Variants in IRF1 observed in about 807,000 individuals in gnomAD.
IRF1 encodes interferon regulatory factor-1.
In IRF1, 13 loss-of-function variants were observed where a neutral mutation model predicts 43.7. That is an observed-to-expected ratio of 0.30 (90% confidence interval 0.19 to 0.47). IRF1 has a LOEUF of 0.47. Among genes scored for constraint, IRF1 ranks in the 20% least tolerant of loss-of-function variants. IRF1 has a pLI of 0.99. For synonymous variants in IRF1, 138 were observed against 146.8 expected (o/e 0.94, Z 0.43); for missense variants, 236 against 408.9 (o/e 0.58, Z 3.65).
At position 132,490,328 on chromosome 5, in the gene IRF1, TCGTCCGGGTGGGCGGTCCACGCCG is replaced by T. The variant is rs1294376614; in HGVS notation, c.-6+193_-6+216del. ...CGAAAGCTGCCGGGCGCCGGCAGCC[TCGTCCGGGTGGGCGGTCCACGCCG>T]CGTCCCGCCCTCCCCGCGCCGCGGC... is the stretch of plus-strand genomic sequence containing the variant. On this transcript the variant is annotated intron_variant, in intron 1 of 9. Transcript: ENST00000245414. This position sits in a 1 kb window ranked among gnomAD's most constrained non-coding sequence, Gnocchi z 5.8. 1.3e-5 allele frequency: 2 copies of T among 150,322 alleles called. No homozygotes were observed. The highest frequency in any genetic ancestry group is 4.9e-5 in the African/African-American group (2 of 41,010). 9.3% of individuals were successfully genotyped at this position (150,322 alleles called of 1,614,324 possible).
chr5:132,485,706 A>G lies in IRF1; in HGVS notation c.678T>C (p.Asp226=). The G allele has an allele frequency of 6.2e-7, 1 of 1,612,864 alleles. No individual in the cohort carries two copies. The highest frequency in any genetic ancestry group is 8.5e-7 in the Non-Finnish European group (1 of 1,179,592). Residue 226 remains aspartate (D), a synonymous_variant, in exon 8 of 10, where the codon GAT becomes GAC. Coordinates refer to ENST00000245414, the MANE Select transcript of IRF1 (RefSeq NM_002198.3). ...CAGGTAATTTCCCTTCCTCATCCTC[A>G]TCTGTTGTAGCTGTGGATGGGGAAA... ...PMPSTSEATT[D]EDEEGKLPED...
In IRF1 at chr5:132,490,675, GC is replaced by G. The variant is rs1163533150; in HGVS notation, c.-137del. On this transcript the variant is annotated 5_prime_UTR_variant, in exon 1 of 10. Coordinates refer to ENST00000245414, the MANE Select transcript of IRF1 (RefSeq NM_002198.3). The surrounding 1 kb of genome is among the most constrained non-coding windows in gnomAD (Gnocchi z 5.8). The stretch of plus-strand genomic sequence containing the variant: ...CAGAGGTTGCCGGGTTCTTAAGGCC[GC>G]CGGGCACGGCCGGCGTGGACTGGGC... 2.6e-5 allele frequency: 4 copies of G among 152,220 alleles called. No homozygotes were observed. The highest frequency in any genetic ancestry group is 5.9e-5 in the Non-Finnish European group (4 of 68,046). 9.4% of individuals were successfully genotyped at this position (152,220 alleles called of 1,614,324 possible).
At chr5:132,484,754 C>T (rs1053568326) in intron 8 of IRF1, 7 of 483,738 alleles carry the variant, frequency 1.4e-5, no homozygotes, top group African/African-American at 1.3e-4. Context: ...ATCTCCACGA[C>T]TTCCCTCTCA....
At chr5:132,485,369 T>C in intron 8 of IRF1, 1 of 387,952 alleles carries the variant, frequency 2.6e-6, no homozygotes. Context: ...CTGGGGCATG[T>C]TGGGGCAGAG....
At position 132,484,472 on chromosome 5, in the gene IRF1, G is replaced by A. The variant is rs1354120425; in HGVS notation, c.743C>T (p.Pro248Leu). The change falls in exon 9 of 10, where the codon CCA becomes CTA. Residue 248 changes from proline to leucine, a missense_variant. Physicochemically the swap from Pro to Leu is moderately conservative, Grantham distance 98 (BLOSUM62 -3). Transcript: ENST00000245414. ...GTACCCCTTCCCATCCACGTTTGTT[G>A]GCTGCCACTCCGACTGCTCCAAGAG... ...MKLLEQSEWQ[P>L]TNVDGKGYLL... 1 of 1,614,186 alleles carries A rather than the reference G, an allele frequency of 6.2e-7. No homozygotes were observed. The highest frequency in any genetic ancestry group is 1.7e-5 in the Admixed American group (1 of 60,028).
chr5:132,485,848 C>CACACACACACACA, intron 7 of IRF1, 132 bp from the exon 8 acceptor site: 1 of 645,470 alleles, frequency 1.5e-6, no homozygotes. Context: ...CACACACACA[C>CACACACACACACA]ACCCTCCCGG....
At position 132,486,940 on chromosome 5, in the gene IRF1, G is replaced by A. The variant is rs372956050; in HGVS notation, c.364+14C>T. 24 of 1,613,970 alleles carry A rather than the reference G, an allele frequency of 1.5e-5. 1 individual carries two copies. Among genetic ancestry groups the A allele is most frequent in the Non-Finnish European group, 1.9e-5 (22 of 1,179,972 alleles). ...TCCCTGAGGGCTTCCCAAGGACCCA[G>A]AGTCCTTGGATACCTTTTCTCTGGT... is the stretch of plus-strand genomic sequence containing the variant. On this transcript the variant is annotated intron_variant, in intron 4 of 9. Transcript: ENST00000245414.
rs906182325 is a variant in IRF1 at position 132,482,578 on chromosome 5, T to G, written c.*1373A>C. 1 of 150,470 alleles carries G rather than the reference T, an allele frequency of 6.6e-6. No homozygotes were observed. Among genetic ancestry groups the G allele is most frequent in the African/African-American group, 2.5e-5 (1 of 40,750 alleles). 9.3% of individuals were successfully genotyped at this position (150,470 alleles called of 1,614,324 possible). A position where few individuals can be genotyped will look rare whatever the true frequency, so the allele number is the denominator to read the frequency against. On this transcript the variant is annotated 3_prime_UTR_variant, in exon 10 of 10. Coordinates refer to ENST00000245414, the MANE Select transcript of IRF1 (RefSeq NM_002198.3). Reference sequence around the variant, plus strand: ...CATGTTGGCCAGGCTGGTCTCAAACTCCTGACCTCAGGTGATCTGCCCACC... The same window carrying G: ...CATGTTGGCCAGGCTGGTCTCAAACGCCTGACCTCAGGTGATCTGCCCACC...
At chr5:132,484,136 C>A in intron 9 of IRF1, 61 bp from the exon 10 acceptor site, 1 of 1,594,744 alleles carries the variant, frequency 6.3e-7, no homozygotes, top group South Asian at 1.1e-5. Context: ...TGTGCTTCCC[C>A]CTACCCCTGA....
rs1201471995 is a variant in IRF1 at position 132,483,010 on chromosome 5, T to G, written c.*941A>C. 6.6e-6 allele frequency: 1 copy of G among 152,334 alleles called. No individual in the cohort carries two copies. Among genetic ancestry groups the G allele is most frequent in the Middle Eastern group, 3.2e-3 (1 of 316 alleles). The allele number at this position is 152,334 out of a possible 1,614,324, so 9.4% of individuals were successfully genotyped here. A position where few individuals can be genotyped will look rare whatever the true frequency, so the allele number is the denominator to read the frequency against. ...TCAAGTTCAGGCGGGATGCCAATAA[T>G]AAGTCCATCAGTGTTTCCATAAAAA... is the stretch of plus-strand genomic sequence containing the variant. On this transcript the variant is annotated 3_prime_UTR_variant, in exon 10 of 10. Coordinates refer to ENST00000245414, the MANE Select transcript of IRF1 (RefSeq NM_002198.3).
chr5:132,487,669 C>T (rs1754571875), intron 3 of IRF1: 4 of 517,780 alleles, frequency 7.7e-6, no homozygotes, highest in Admixed American at 3.3e-5. Context: ...ATGCTTTTGC[C>T]AGGGAGAACT....
rs1754501861 is a variant in IRF1 at position 132,485,727 on chromosome 5, G to C, written c.668-11C>G. Reference sequence around the variant, plus strand: ...CCTCATCTGTTGTAGCTGTGGATGGGGAAAGCAGAGAGGTTGGCTGGCAGT... The same window carrying C: ...CCTCATCTGTTGTAGCTGTGGATGGCGAAAGCAGAGAGGTTGGCTGGCAGT... On this transcript the variant is annotated splice_polypyrimidine_tract_variant and intron_variant, in intron 7 of 9. Transcript: ENST00000245414. 1 of 1,609,376 alleles carries C rather than the reference G, an allele frequency of 6.2e-7. No homozygotes were observed. Among genetic ancestry groups the C allele is most frequent in the South Asian group, 1.1e-5 (1 of 90,964 alleles).
chr5:132,487,202 G>T, intron 3 of IRF1, 72 bp from the exon 4 acceptor site: 1 of 1,507,352 alleles, frequency 6.6e-7, no homozygotes. Flanking sequence ...TGGCCTGAAG[G>T]AGGAAGGCAA....
chr5:132,484,519 G>A, intron 8 of IRF1, 22 bp from the exon 9 acceptor site: 1 of 1,613,808 alleles, frequency 6.2e-7, no homozygotes, highest in Non-Finnish European at 8.5e-7. Flanking sequence ...AGAGCAAGAG[G>A]CTATCAACTC....
At chr5:132,488,314 C>T in intron 2 of IRF1, 1 of 321,684 alleles carries the variant, frequency 3.1e-6, no homozygotes, top group South Asian at 3.8e-5. Context: ...GGCACCCTCC[C>T]CCAAAGCCCT....
At position 132,483,455 on chromosome 5, in the gene IRF1, C is replaced by T. The variant is rs1433803456; in HGVS notation, c.*496G>A. The T allele has an allele frequency of 1.9e-5, 3 of 154,002 alleles. No homozygotes were observed. The highest frequency in any genetic ancestry group is 7.2e-5 in the African/African-American group (3 of 41,480). 9.5% of individuals were successfully genotyped at this position (154,002 alleles called of 1,614,324 possible). A position where few individuals can be genotyped will look rare whatever the true frequency, so the allele number is the denominator to read the frequency against. The stretch of plus-strand genomic sequence containing the variant: ...GCATCGCCCCGAAGGACCCCACTTT[C>T]CTTCACATTTCACTGGCTTTGGAAC... On this transcript the variant is annotated 3_prime_UTR_variant, in exon 10 of 10. Coordinates refer to ENST00000245414, the MANE Select transcript of IRF1 (RefSeq NM_002198.3).
chr5:132,485,851 C>CA, intron 7 of IRF1, 135 bp from the exon 8 acceptor site: 14 of 534,518 alleles, frequency 2.6e-5, no homozygotes, highest in Non-Finnish European at 3.9e-5. Flanking sequence ...ACACACACAC[C>CA]CTCCCGGTGG....
At position 132,483,888 on chromosome 5, in the gene IRF1, C is replaced by T; in HGVS notation, c.*63G>A. On this transcript the variant is annotated 3_prime_UTR_variant, in exon 10 of 10. Coordinates refer to ENST00000245414, the MANE Select transcript of IRF1 (RefSeq NM_002198.3). ...CCCACAGAAGTCCAGCTTCTCTGCA[C>T]CATATCCACCATGATGCCAGGTCCT... 6.3e-7 allele frequency: 1 copy of T among 1,595,480 alleles called. No individual in the cohort carries two copies. The highest frequency in any genetic ancestry group is 8.6e-7 in the Non-Finnish European group (1 of 1,167,918).
Position 132,490,347 on chromosome 5 carries a change from A to ACGCCGCGTCCCGCCCTCCCCG in IRF1, c.-6+177_-6+197dup, listed in dbSNP as rs914178348. 6.7e-6 allele frequency: 1 copy of ACGCCGCGTCCCGCCCTCCCCG among 149,784 alleles called. No individual in the cohort carries two copies. 9.3% of individuals were successfully genotyped at this position (149,784 alleles called of 1,614,324 possible). The stretch of plus-strand genomic sequence containing the variant: ...GCAGCCTCGTCCGGGTGGGCGGTCC[A>ACGCCGCGTCCCGCCCTCCCCG]CGCCGCGTCCCGCCCTCCCCGCGCC... On this transcript the variant is annotated intron_variant, in intron 1 of 9. Coordinates refer to ENST00000245414, the MANE Select transcript of IRF1 (RefSeq NM_002198.3). This position sits in a 1 kb window ranked among gnomAD's most constrained non-coding sequence, Gnocchi z 5.8.
Sources: allele counts gnomAD v4.1 joint callset, GRCh38; gene constraint gnomAD v4.1.1; non-coding constraint Gnocchi (gnomAD v3.1); transcripts MANE v1.5; gene names NCBI Gene and HGNC (gene_info 2026-07-23, HGNC 2026-07-21).